CCDC14: variants seen among roughly 807,000 people sequenced by gnomAD.
CCDC14 encodes coiled-coil domain-containing protein 14.
CCDC14 carries 71 observed loss-of-function variants against 81.4 expected under a neutral mutation model. That is an observed-to-expected ratio of 0.87 (90% CI 0.72 to 1.06). CCDC14 has a LOEUF of 1.06. Ranked by LOEUF, CCDC14 falls within the 50% of genes least tolerant of loss-of-function variation. The pLI, the probability that CCDC14 is intolerant of heterozygous loss-of-function variation, is 0.00. For missense variants in CCDC14, 1,046 were observed against 1,047.3 expected (o/e 1.00, Z 0.02); for synonymous variants, 332 against 364.8 (o/e 0.91, Z 1.03).
downstream of CCDC14, among the ~76,000 whole-genome samples, chr3:123,895,914 T>C (rs1422137224): frequency 6.6e-6 from 1 of 152,236 alleles, no homozygotes; most frequent in East Asian, 1.9e-4. Flanking sequence ...GTTCCACTTC[T>C]GTGTATATAT....
Position 123,915,669 on chromosome 3 carries a change from T to C in CCDC14, c.1828A>G (p.Ser610Gly), listed in dbSNP as rs2148783854. The change falls in exon 13 of 13, where the codon AGT (serine) becomes GGT (glycine). Residue 610 changes from serine (S) to glycine (G), a missense_variant. Ser to Gly is a moderately conservative substitution (Grantham distance 56). Coordinates refer to ENST00000409697, the MANE Select transcript of CCDC14 (RefSeq NM_001366335.1). ...AKLLSDLSVD[S>G]ARCKPGNNLT... ...TTATTCCCAGGCTTGCAGCGAGCACTGTCCACACTAAGATCGGAGAGAAGC... is the reference window on the plus strand; with the variant it reads ...TTATTCCCAGGCTTGCAGCGAGCACCGTCCACACTAAGATCGGAGAGAAGC... 1.2e-6 allele frequency: 2 copies of C among 1,613,930 alleles called. No homozygotes were observed. The highest frequency in any genetic ancestry group is 1.7e-6 in the Non-Finnish European group (2 of 1,179,860).
At chr3:123,903,269 T>G (rs1349304143) in intron 5 of CCDC14, among the ~76,000 whole-genome samples, 2 of 150,446 alleles carry the variant, frequency 1.3e-5, no homozygotes, top group Non-Finnish European at 3.0e-5. Flanking sequence ...TGCTTGAAAT[T>G]CTCCATAATA....
At chr3:123,909,773 G>C (rs2034401370), downstream of CCDC14, among the ~76,000 whole-genome samples, 1 of 152,196 alleles carries the variant, frequency 6.6e-6, no homozygotes, top group South Asian at 2.1e-4. Context: ...TGCTAGTAGA[G>C]AGAGAATGGC....
Position 123,948,974 on chromosome 3 carries a change from A to C in CCDC14, c.511T>G (p.Ser171Ala), listed in dbSNP as rs2036842066. 6.2e-7 allele frequency: 1 copy of C among 1,614,000 alleles called. No homozygotes were observed. Among genetic ancestry groups the C allele is most frequent in the Admixed American group, 1.7e-5 (1 of 60,026 alleles). ...TTTGAAGTCAAGTCATTCATCAGTG[A>C]CATCTGAGTCTGCACGTGCTCACAG... ...ALCEHVQTQM[S>A]LMNDLTSKNI... Residue 171 changes from serine (S) to alanine (A), a missense_variant, in exon 6 of 13, where the codon TCA becomes GCA. Physicochemically the swap from Ser to Ala is moderately conservative, Grantham distance 99. Coordinates refer to ENST00000409697, the MANE Select transcript of CCDC14 (RefSeq NM_001366335.1).
chr3:123,887,938 T>A, the CCDC14 span, among the ~76,000 whole-genome samples: 3 of 152,128 alleles, frequency 2.0e-5, no homozygotes, highest in Non-Finnish European at 4.4e-5. Context: ...TCATTTGTTT[T>A]TAAGTTTATA....
In CCDC14 at chr3:123,949,115, TC is replaced by T. The variant is rs2036856754; in HGVS notation, c.369del (p.Lys124AsnfsTer18). On this transcript the variant is annotated frameshift_variant, in exon 6 of 13. Coordinates refer to ENST00000409697, the MANE Select transcript of CCDC14 (RefSeq NM_001366335.1). LOFTEE classifies it high-confidence loss of function. ...GCAGAAGCTTCATTAGGTATCTGTT[TC>T]TTATTATCTGAAGATGCTAATGTGG... ...VQKETSSSDN[K>X]KQIPNEASAR... 3 of 1,599,600 alleles carry T rather than the reference TC, an allele frequency of 1.9e-6. No individual in the cohort carries two copies. In the East Asian group the frequency reaches 6.7e-5, roughly 36 times the overall value.
intron 2 of CCDC14, 94 bp from the exon 3 acceptor site, chr3:123,956,521 G>T: frequency 1.1e-6 from 1 of 899,142 alleles, no homozygotes; most frequent in Non-Finnish European, 1.7e-6. Context: ...AAGAAAGCTT[G>T]TCCAACCATG....
At chr3:123,889,003 A>T in the CCDC14 span, among the ~76,000 whole-genome samples, 1 of 152,206 alleles carries the variant, frequency 6.6e-6, no homozygotes, top group Non-Finnish European at 1.5e-5. Context: ...CTAAAGTCTC[A>T]TCTGAGACAA....
chr3:123,888,505 T>C, the CCDC14 span, among the ~76,000 whole-genome samples: 2 of 152,174 alleles, frequency 1.3e-5, no homozygotes, highest in South Asian at 2.1e-4. Flanking sequence ...TCAACTTGCA[T>C]TAGTCAGTTT....
intron 12 of CCDC14, among the ~76,000 whole-genome samples, chr3:123,919,861 A>G (rs1205570429): frequency 6.6e-6 from 1 of 152,224 alleles, no homozygotes; most frequent in Non-Finnish European, 1.5e-5. Flanking sequence ...GCAAGGATAC[A>G]AGGATTATGA....
chr3:123,934,707 T>G (rs1037056368), intron 9 of CCDC14, among the ~76,000 whole-genome samples: 1 of 152,214 alleles, frequency 6.6e-6, no homozygotes, highest in African/African-American at 2.4e-5. Flanking sequence ...TTATCGCTTA[T>G]GGGGACAAAA....
At chr3:123,931,839 A>G (rs957842579) in intron 10 of CCDC14, among the ~76,000 whole-genome samples, 2 of 152,230 alleles carry the variant, frequency 1.3e-5, no homozygotes, top group Non-Finnish European at 2.9e-5. Context: ...CAGAATGTCA[A>G]TGATTCTCAA....
chr3:123,897,226 T>C (rs1396859607), downstream of CCDC14: 1 of 152,006 alleles, frequency 6.6e-6, no homozygotes, highest in African/African-American at 2.4e-5. Context: ...AGGTAGAAAA[T>C]AAAATGTATC....
At chr3:123,956,577 TA>T in intron 2 of CCDC14, 150 bp from the exon 3 acceptor site, 2 of 745,286 alleles carry the variant, frequency 2.7e-6, no homozygotes, top group Non-Finnish European at 2.2e-6. Context: ...GAAAGACTGT[TA>T]AATACTAAAA....
At chr3:123,937,777 G>C (rs2036132467) in intron 9 of CCDC14, among the ~76,000 whole-genome samples, 1 of 151,742 alleles carries the variant, frequency 6.6e-6, no homozygotes, top group African/African-American at 2.4e-5. Context: ...TCCTTTCAGA[G>C]GTTTTGTAGT....
Position 123,931,507 on chromosome 3 carries a change from C to T in CCDC14, c.1446G>A (p.Leu482=), listed in dbSNP as rs116262065. 2.1e-3 allele frequency: 3,289 copies of T among 1,558,826 alleles called. 51 individuals carry two copies. The African/African-American group carries it at 0.036, about 17-fold the overall frequency. ...CCAATTGATTTTGCAGTGACATATTCAATGACTGAAGAGAAAACACTGTTA... is the reference window on the plus strand; with the variant it reads ...CCAATTGATTTTGCAGTGACATATTTAATGACTGAAGAGAAAACACTGTTA... ...CNLELFSLQS[L]NMSLQNQLEE... The change falls in exon 11 of 13, where the codon TTG becomes TTA. Residue 482 remains leucine, a synonymous_variant. Transcript: ENST00000409697.
intron 3 of CCDC14, 73 bp downstream of exon 3, chr3:123,956,282 A>C: frequency 7.7e-7 from 1 of 1,297,670 alleles, no homozygotes; most frequent in Non-Finnish European, 1.1e-6. Flanking sequence ...AATACTTTGC[A>C]TTTTATTCCT....
At chr3:123,925,113 T>C (rs1030916481) in intron 12 of CCDC14, among the ~76,000 whole-genome samples, 8 of 149,188 alleles carry the variant, frequency 5.4e-5, no homozygotes, top group African/African-American at 1.3e-4. Context: ...TATAAACATA[T>C]TGGAATACTA....
chr3:123,933,041 G>A (rs952007437), intron 10 of CCDC14, among the ~76,000 whole-genome samples: 8 of 152,130 alleles, frequency 5.3e-5, no homozygotes, highest in Non-Finnish European at 1.2e-4. Context: ...AGAGGTTGCA[G>A]TGAGACACGA....
Sources: gnomAD v4.1 joint callset for allele counts (sites outside exome capture counted in the v4.1 genomes callset) on GRCh38, gnomAD v4.1.1 for gene constraint, MANE v1.5 for transcripts, NCBI Gene and HGNC (gene_info 2026-07-23, HGNC 2026-07-21) for gene names.